ASB15: variants seen among roughly 807,000 people sequenced by gnomAD.
ASB15 encodes ankyrin repeat and SOCS box containing 15, also known as ankyrin repeat and SOCS box protein 15.
Under a neutral mutation model 58.0 loss-of-function variants are expected in ASB15, and 54 were observed. The observed-to-expected ratio is 0.93, with a 90% CI of 0.75 to 1.17. The LOEUF is 1.17. Among genes scored for constraint, ASB15 ranks in the 50% most tolerant of loss-of-function variants. The pLI is 0.00. For missense variants in ASB15, 680 were observed against 707.4 expected (o/e 0.96, Z 0.44); for synonymous variants, 249 against 262.4 (o/e 0.95, Z 0.50).
intron 11 of ASB15, 40 bp from the exon 12 acceptor site, chr7:123,636,769 T>C (rs1488608969): frequency 6.5e-7 from 1 of 1,537,214 alleles, no homozygotes. Flanking sequence ...CAATCCACTA[T>C]TTAAAAAATT....
At chr7:123,624,839 C>A (rs779480315) in intron 8 of ASB15, 25 bp downstream of exon 8, 1 of 1,603,768 alleles carries the variant, frequency 6.2e-7, no homozygotes, top group South Asian at 1.1e-5. Flanking sequence ...GTTACACTTC[C>A]TGACTTTTGT....
rs1562924841 is a variant in ASB15, at chr7:123,608,651, G to T, written c.-6G>T. On this transcript the variant is annotated 5_prime_UTR_variant, in exon 3 of 12. Coordinates refer to ENST00000451215, the MANE Select transcript of ASB15 (RefSeq NM_001290258.2). ...AAAGAAGGAATCGCTGTAACTTATT[G>T]CTTGTAAGTAAAATTACCTGTGACT... The T allele has an allele frequency of 6.6e-6, 1 of 152,154 alleles. No individual in the cohort carries two copies. The highest frequency in any genetic ancestry group is 1.5e-5 in the Non-Finnish European group (1 of 68,026). 9.4% of individuals were successfully genotyped at this position (152,154 alleles called of 1,614,324 possible).
upstream of ASB15, among the ~76,000 whole-genome samples, chr7:123,598,199 T>G (rs896765042): frequency 3.3e-5 from 5 of 152,186 alleles, no homozygotes; most frequent in Non-Finnish European, 7.3e-5. Flanking sequence ...AAGTATAATA[T>G]ACTTTTATAT....
chr7:123,602,373 A>G (rs186261054), intron 1 of ASB15, among the ~76,000 whole-genome samples: 1 of 152,154 alleles, frequency 6.6e-6, no homozygotes, highest in East Asian at 1.9e-4. Context: ...AATTAGTTAG[A>G]TTTTTTAAAA....
chr7:123,617,490 G>T lies in ASB15; in HGVS notation c.293-89G>T. ...TTCATCAATTGACTTTGTTCAATCCGATGTATATAATATTGGATTGCTCTG... is the reference window on the plus strand; with the variant it reads ...TTCATCAATTGACTTTGTTCAATCCTATGTATATAATATTGGATTGCTCTG... On this transcript the variant is annotated intron_variant, in intron 6 of 11. Coordinates refer to ENST00000451215, the MANE Select transcript of ASB15 (RefSeq NM_001290258.2). 4.4e-6 allele frequency: 5 copies of T among 1,148,036 alleles called. 1 individual carries two copies. The South Asian group carries it at 8.0e-5, about 18-fold the overall frequency. 71.1% of individuals were successfully genotyped at this position (1,148,036 alleles called of 1,614,324 possible).
rs1023131018 is a variant in ASB15 at position 123,638,587 on chromosome 7, T to C, written c.*1606T>C. The stretch of plus-strand genomic sequence containing the variant: ...ACCTCACACTGCTCTCATTTCCCCA[T>C]TGACGAGTGAGAATTTCACTGTGGG... On this transcript the variant is annotated 3_prime_UTR_variant, in exon 12 of 12. Coordinates refer to ENST00000451215, the MANE Select transcript of ASB15 (RefSeq NM_001290258.2). 4 of 152,186 alleles carry C rather than the reference T, an allele frequency of 2.6e-5. No homozygotes were observed. The highest frequency in any genetic ancestry group is 9.7e-5 in the African/African-American group (4 of 41,434). The allele number at this position is 152,186 out of a possible 1,614,324, so 9.4% of individuals were successfully genotyped here. A position where few individuals can be genotyped will look rare whatever the true frequency, so the allele number is the denominator to read the frequency against.
intron 1 of ASB15, among the ~76,000 whole-genome samples, chr7:123,586,369 T>C (rs1454171676): frequency 6.6e-6 from 1 of 151,882 alleles, no homozygotes; most frequent in Non-Finnish European, 1.5e-5. Context: ...GACACTTGTA[T>C]ATCTTCTTTA....
rs1802527047 is a variant in ASB15, at chr7:123,638,602, T to C, written c.*1621T>C. 6.6e-6 allele frequency: 1 copy of C among 152,136 alleles called. No individual in the cohort carries two copies. The highest frequency in any genetic ancestry group is 2.4e-5 in the African/African-American group (1 of 41,426). The allele number at this position is 152,136 out of a possible 1,614,324, so 9.4% of individuals were successfully genotyped here. A position where few individuals can be genotyped will look rare whatever the true frequency, so the allele number is the denominator to read the frequency against. ...CATTTCCCCATTGACGAGTGAGAAT[T>C]TCACTGTGGGCCATCAAATATCTGA... On this transcript the variant is annotated 3_prime_UTR_variant, in exon 12 of 12. Coordinates refer to ENST00000451215, the MANE Select transcript of ASB15 (RefSeq NM_001290258.2).
At chr7:123,569,225 T>C (rs1247329480) in intron 1 of ASB15, among the ~76,000 whole-genome samples, 1 of 152,164 alleles carries the variant, frequency 6.6e-6, no homozygotes, top group African/African-American at 2.4e-5. Flanking sequence ...TAAATGGCAA[T>C]CTTGGCAACA....
At chr7:123,584,999 AC>A (rs1799337132) in intron 1 of ASB15, 1 of 151,888 alleles carries the variant, frequency 6.6e-6, no homozygotes, top group Admixed American at 6.6e-5. Context: ...TCTAAGAGTC[AC>A]CTGAAAGAAA....
At chr7:123,635,294 T>C (rs1802359845) in intron 11 of ASB15, among the ~76,000 whole-genome samples, 1 of 152,226 alleles carries the variant, frequency 6.6e-6, no homozygotes, top group Admixed American at 6.5e-5. Context: ...TGATTATAGA[T>C]GTTCGACTAA....
At chr7:123,624,151 TA>T (rs1801609046) in intron 7 of ASB15, among the ~76,000 whole-genome samples, 1 of 152,150 alleles carries the variant, frequency 6.6e-6, no homozygotes, top group Non-Finnish European at 1.5e-5. Flanking sequence ...GATATAATAA[TA>T]ATAGCCAGTT....
At chr7:123,582,847 C>T (rs1245987516) in intron 1 of ASB15, among the ~76,000 whole-genome samples, 2 of 151,930 alleles carry the variant, frequency 1.3e-5, no homozygotes, top group Non-Finnish European at 2.9e-5. Context: ...CTAATAAATA[C>T]ATACTTGGCA....
chr7:123,588,004 T>C (rs917358990), intron 1 of ASB15, among the ~76,000 whole-genome samples: 5 of 151,756 alleles, frequency 3.3e-5, no homozygotes, highest in Non-Finnish European at 7.4e-5. Flanking sequence ...TTCTTTCTTA[T>C]GGTGTCCTTG....
intron 7 of ASB15, among the ~76,000 whole-genome samples, chr7:123,618,270 T>C (rs146600168): frequency 3.7e-4 from 56 of 152,136 alleles, no homozygotes; most frequent in African/African-American, 1.2e-3. Flanking sequence ...CTGTCTTGTA[T>C]ATCCCGCTAT....
In ASB15 at chr7:123,624,568, G is replaced by A. The variant is rs200912565; in HGVS notation, c.452-1G>A. 3 of 1,610,586 alleles carry A rather than the reference G, an allele frequency of 1.9e-6. No individual in the cohort carries two copies. The African/African-American group carries it at 4.0e-5, about 21-fold the overall frequency. On this transcript the variant is annotated splice_acceptor_variant, in intron 7 of 11. Transcript: ENST00000451215. LOFTEE classifies it high-confidence loss of function. ...TGTTGTTTTTAACAATCATTTTCAA[G>A]CTGTGAAAAAGGGCTCCTATGACAT...
chr7:123,597,952 G>T (rs986298057), upstream of ASB15, among the ~76,000 whole-genome samples: 2 of 151,686 alleles, frequency 1.3e-5, no homozygotes, highest in Non-Finnish European at 2.9e-5. Flanking sequence ...GTGTGTGTGT[G>T]TGTGTGTGTC....
intron 1 of ASB15, among the ~76,000 whole-genome samples, chr7:123,591,858 A>T (rs551398160): frequency 6.6e-6 from 1 of 152,334 alleles, no homozygotes; most frequent in East Asian, 1.9e-4. Flanking sequence ...TGATTGAAAT[A>T]GTTTCAGAAG....
intron 1 of ASB15, among the ~76,000 whole-genome samples, chr7:123,581,979 C>T (rs151136890): frequency 6.6e-6 from 1 of 151,994 alleles, no homozygotes; most frequent in East Asian, 1.9e-4. Context: ...GCCATGAATT[C>T]TGGGGCAGAA....
Sources: allele counts gnomAD v4.1 joint callset (sites outside exome capture counted in the v4.1 genomes callset), GRCh38; gene constraint gnomAD v4.1.1; transcripts MANE v1.5; gene names NCBI Gene and HGNC (gene_info 2026-07-23, HGNC 2026-07-21).